MICU2: variants seen among roughly 807,000 people sequenced by gnomAD.
MICU2 encodes mitochondrial calcium uptake 2.
A neutral mutation model predicts 60.4 loss-of-function variants in MICU2; 64 were observed. The observed-to-expected ratio is 1.06, with a 90% confidence interval of 0.87 to 1.31. The LOEUF is 1.31. Ranked by LOEUF, MICU2 falls within the 50% of genes most tolerant of loss-of-function variation. The pLI is 0.00. For synonymous variants in MICU2, 201 were observed against 175.0 expected (o/e 1.15, Z -1.17); for missense variants, 569 against 531.0 (o/e 1.07, Z -0.70).
In MICU2 at chr13:21,526,599, A is replaced by G. The variant is rs144650592; in HGVS notation, c.467-3949T>C. On this transcript the variant is annotated intron_variant, in intron 4 of 11. Transcript: ENST00000382374. ...GAGATACGAATAGTAAGAGTTACAA[A>G]AGTTTAGAAAAATGTGCAGGCATTT... 1.7e-3 allele frequency among the ~76,000 whole-genome samples: 254 copies of G among 152,196 alleles called. 3 individuals carry two copies. The highest frequency in any genetic ancestry group is 5.9e-3 in the African/African-American group (246 of 41,512).
At chr13:21,561,654 T>C (rs1887844413) in intron 2 of MICU2, among the ~76,000 whole-genome samples, 2 of 151,622 alleles carry the variant, frequency 1.3e-5, no homozygotes, top group Middle Eastern at 3.4e-3. Flanking sequence ...GTGTTAGCAA[T>C]TACTCTATCT....
intron 1 of MICU2, among the ~76,000 whole-genome samples, chr13:21,581,297 T>TA (rs1888342797): frequency 6.6e-6 from 1 of 152,174 alleles, no homozygotes; most frequent in Admixed American, 6.5e-5. Flanking sequence ...TTTGTATTTT[T>TA]AGTAGAGATG....
chr13:21,535,487 T>C (rs1334454869), intron 4 of MICU2, among the ~76,000 whole-genome samples: 2 of 152,196 alleles, frequency 1.3e-5, no homozygotes, highest in Non-Finnish European at 1.5e-5. Context: ...TAAATATTGG[T>C]ACTTGAAATT....
chr13:21,521,359 G>C, intron 5 of MICU2, 32 bp from the exon 6 acceptor site: 1 of 1,573,288 alleles, frequency 6.4e-7, no homozygotes, highest in Admixed American at 1.9e-5. Context: ...ATATTTAAAT[G>C]TTGATGAAAA....
chr13:21,600,402 A>C (rs1019075495), intron 1 of MICU2, among the ~76,000 whole-genome samples: 2 of 152,200 alleles, frequency 1.3e-5, no homozygotes, highest in African/African-American at 2.4e-5. Context: ...TCAGGAAACC[A>C]AGACTTTGTG....
Position 21,497,358 on chromosome 13 carries a change from C to T in MICU2, c.934-1198G>A, listed in dbSNP as rs143391932. Among the ~76,000 whole-genome samples, 330 of 152,156 alleles carry T rather than the reference C, an allele frequency of 2.2e-3. 2 individuals are homozygous for T. Among genetic ancestry groups the T allele is most frequent in the Non-Finnish European group, 3.8e-3 (261 of 67,984 alleles). ...CCAGCCTGGGTGATGGAGTGAGACTCTGTGTAAAAACAAACAAATAAATAA... is the reference window on the plus strand; with the variant it reads ...CCAGCCTGGGTGATGGAGTGAGACTTTGTGTAAAAACAAACAAATAAATAA... On this transcript the variant is annotated intron_variant, in intron 9 of 11. Transcript: ENST00000382374.
chr13:21,591,521 G>A (rs1001187904), intron 1 of MICU2, among the ~76,000 whole-genome samples: 18 of 152,198 alleles, frequency 1.2e-4, no homozygotes, highest in African/African-American at 4.3e-4. Flanking sequence ...TCTGGATCAA[G>A]TGGACCTAGT....
chr13:21,603,400 A>T (rs896816679), intron 1 of MICU2, among the ~76,000 whole-genome samples: 3 of 152,262 alleles, frequency 2.0e-5, no homozygotes, highest in Non-Finnish European at 4.4e-5. Context: ...CTGGAAATCA[A>T]CTGGTTAATT....
intron 2 of MICU2, among the ~76,000 whole-genome samples, chr13:21,540,861 A>C (rs1265269612): frequency 4.6e-5 from 7 of 152,126 alleles, no homozygotes; most frequent in Non-Finnish European, 8.8e-5. Flanking sequence ...TGTGTATATA[A>C]TACGTAGTCA....
chr13:21,521,354 TA>T (rs1329392203), intron 5 of MICU2, 27 bp from the exon 6 acceptor site: 1 of 1,579,436 alleles, frequency 6.3e-7, no homozygotes, highest in Admixed American at 1.9e-5. Context: ...AATGAATATT[TA>T]AATGTTGATG....
chr13:21,540,849 A>G (rs1593334647), intron 2 of MICU2, among the ~76,000 whole-genome samples: 2 of 152,134 alleles, frequency 1.3e-5, no homozygotes, highest in East Asian at 1.9e-4. Flanking sequence ...TAAGTGAGTG[A>G]ATGTGTATAT....
chr13:21,498,670 C>T (rs541483538), intron 9 of MICU2, among the ~76,000 whole-genome samples: 2 of 152,080 alleles, frequency 1.3e-5, no homozygotes, highest in South Asian at 2.1e-4. Context: ...TGAGCCACCG[C>T]GCCTGGCTAA....
In MICU2 at chr13:21,576,758, G is replaced by GA. The variant is rs1888235392; in HGVS notation, c.211-9815dup. ...TTCTTAAAGCTCATGGCTGAATACT[G>GA]ACTGATAGCAGTTTGCCTCTCTATC... On this transcript the variant is annotated intron_variant, in intron 1 of 11. Transcript: ENST00000382374. 1.3e-5 allele frequency among the ~76,000 whole-genome samples: 2 copies of GA among 152,154 alleles called. 1 individual carries two copies. Among genetic ancestry groups the GA allele is most frequent in the South Asian group, 4.1e-4 (2 of 4,824 alleles).
intron 1 of MICU2, among the ~76,000 whole-genome samples, chr13:21,600,063 T>C (rs1888781117): frequency 6.6e-6 from 1 of 152,194 alleles, no homozygotes; most frequent in African/African-American, 2.4e-5. Flanking sequence ...AACAAAAATG[T>C]AATCTTTTTT....
At position 21,566,797 on chromosome 13, in the gene MICU2, G is replaced by A. The variant is rs773441023; in HGVS notation, c.358C>T (p.Arg120Cys). Residue 120 changes from arginine (R) to cysteine (C), a missense_variant and splice_region_variant, in exon 2 of 12, where the codon CGT (arginine) becomes TGT (cysteine). Transcript: ENST00000382374. ...LFSVMFEQMERKTSVKKLTKK... is the reference protein window; with the variant it reads ...LFSVMFEQMECKTSVKKLTKK... Reference sequence around the variant, plus strand: ...TAAAAAAAAAAAAGACCCAACTCACGTTCCATTTGCTCAAACATCACTGAG... The same window carrying A: ...TAAAAAAAAAAAAGACCCAACTCACATTCCATTTGCTCAAACATCACTGAG... 14 of 1,561,094 alleles carry A rather than the reference G, an allele frequency of 9.0e-6. No homozygotes were observed. The highest frequency in any genetic ancestry group is 6.9e-5 in the African/African-American group (5 of 72,198).
chr13:21,598,724 GA>G (rs1176769321), intron 1 of MICU2, among the ~76,000 whole-genome samples: 2 of 150,056 alleles, frequency 1.3e-5, no homozygotes, highest in Admixed American at 6.6e-5. Flanking sequence ...TCCAAAAAAA[GA>G]AAAAAAAAGT....
At chr13:21,508,590 T>C (rs540361119) in intron 8 of MICU2, among the ~76,000 whole-genome samples, 3 of 152,248 alleles carry the variant, frequency 2.0e-5, no homozygotes, top group Non-Finnish European at 4.4e-5. Flanking sequence ...CTCTATCTTA[T>C]GGTGTATAAA....
chr13:21,580,593 T>C (rs552694922), intron 1 of MICU2, among the ~76,000 whole-genome samples: 1 of 152,026 alleles, frequency 6.6e-6, no homozygotes. Flanking sequence ...TACTCTTAAA[T>C]ATTTAAGAGT....
At chr13:21,509,880 C>T (rs886700373) in intron 8 of MICU2, 124 bp downstream of exon 8, 1 of 525,768 alleles carries the variant, frequency 1.9e-6, no homozygotes, top group Non-Finnish European at 3.3e-6. Flanking sequence ...CTACACAGAT[C>T]CACAAAATCC....
Sources: gnomAD v4.1 joint callset for allele counts (sites outside exome capture counted in the v4.1 genomes callset) on GRCh38, gnomAD v4.1.1 for gene constraint, MANE v1.5 for transcripts, NCBI Gene and HGNC (gene_info 2026-07-23, HGNC 2026-07-21) for gene names.